Variants in ARHGAP29 observed in about 807,000 individuals in gnomAD.
The protein encoded by ARHGAP29 is rho GTPase-activating protein 29.
ARHGAP29 carries 43 observed loss-of-function variants against 122.6 expected under a neutral mutation model. The ratio of observed to expected loss-of-function variants is 0.35; its 90% CI spans 0.27 to 0.45. The LOEUF (loss-of-function observed/expected upper bound fraction) is 0.45. Among genes scored for constraint, ARHGAP29 ranks in the 20% least tolerant of loss-of-function variants. The pLI, the probability that ARHGAP29 is intolerant of heterozygous loss-of-function variation, is 1.00. For synonymous variants in ARHGAP29, 506 were observed against 497.1 expected (o/e 1.02, Z -0.24); for missense variants, 1,303 against 1,477.2 (o/e 0.88, Z 1.93).
chr1:94,207,175 A>AT (rs1446341360), intron 5 of ARHGAP29, among the ~76,000 whole-genome samples: 12 of 151,684 alleles, frequency 7.9e-5, no homozygotes, highest in African/African-American at 2.9e-4. Flanking sequence ...TTCCTGGCTA[A>AT]TATTTGTATT....
chr1:94,304,936 A>C, the ARHGAP29 span, among the ~76,000 whole-genome samples: 1 of 152,222 alleles, frequency 6.6e-6, no homozygotes, highest in Non-Finnish European at 1.5e-5. Flanking sequence ...CCTGTGTGAG[A>C]GGTAGATGTC....
intron 1 of ARHGAP29, among the ~76,000 whole-genome samples, chr1:94,252,065 A>G (rs934966858): frequency 2.6e-5 from 4 of 152,370 alleles, no homozygotes; most frequent in Admixed American, 6.5e-5. Flanking sequence ...ATATCCAAAC[A>G]TTAGAGTTAT....
chr1:94,176,703 G>A (rs1180425657), intron 22 of ARHGAP29: 1 of 152,082 alleles, frequency 6.6e-6, no homozygotes, highest in Admixed American at 6.6e-5. Context: ...TGCTTCTCGG[G>A]TTCAAGTGAT....
At position 94,256,037 on chromosome 1, in the gene ARHGAP29, T is replaced by C. The variant is rs148401267; in HGVS notation, c.-33+18975A>G. On this transcript the variant is annotated intron_variant and NMD_transcript_variant, in intron 1 of 25. Transcript: ENST00000552844. Reference sequence around the variant, plus strand: ...CAGTCTTCAAAACAAGTCTGTGAAATATGAATTATTGTTATCATCCTTATT... The same window carrying C: ...CAGTCTTCAAAACAAGTCTGTGAAACATGAATTATTGTTATCATCCTTATT... Among the ~76,000 whole-genome samples the C allele has an allele frequency of 1.8e-4, 27 of 152,344 alleles. No homozygotes were observed. The East Asian group carries it at 5.2e-3, about 29-fold the overall frequency.
In ARHGAP29 at chr1:94,184,994, G is replaced by T. The variant is rs374207528; in HGVS notation, c.1987C>A (p.Pro663Thr). 2 of 1,613,046 alleles carry T rather than the reference G, an allele frequency of 1.2e-6. No homozygotes were observed. Among genetic ancestry groups the T allele is most frequent in the African/African-American group, 1.3e-5 (1 of 74,924 alleles). Residue 663 changes from proline (P) to threonine (T), a missense_variant, in exon 18 of 23, where the codon CCA becomes ACA. Around this residue, in one of 3 missense-constraint regions of ARHGAP29, gnomAD observed 91 missense variants for 177.8 expected, o/e 0.51. Coordinates refer to ENST00000260526, the MANE Select transcript of ARHGAP29 (RefSeq NM_004815.4). ...LVIICGHQKLPGKIHLFGAEF... is the reference protein window; with the variant it reads ...LVIICGHQKLTGKIHLFGAEF... ...GCTCCAAATAAGTGTATTTTTCCTGGAAGTTTCTGATGACCACAAATAATG... is the reference window on the plus strand; with the variant it reads ...GCTCCAAATAAGTGTATTTTTCCTGTAAGTTTCTGATGACCACAAATAATG...
intron 1 of ARHGAP29, 138 bp from the exon 2 acceptor site, chr1:94,231,781 T>A (rs1236659536): frequency 4.9e-5 from 31 of 633,928 alleles, no homozygotes; most frequent in Non-Finnish European, 7.4e-5. Flanking sequence ...TTTAAATTTT[T>A]AAAAATCAAA....
At chr1:94,228,322 A>G (rs988997442) in intron 2 of ARHGAP29, among the ~76,000 whole-genome samples, 2 of 151,808 alleles carry the variant, frequency 1.3e-5, no homozygotes, top group African/African-American at 4.8e-5. Context: ...CTTCTTAGGA[A>G]TAAACTGCCA....
intron 1 of ARHGAP29, among the ~76,000 whole-genome samples, chr1:94,266,243 G>C (rs961220942): frequency 6.6e-6 from 1 of 152,166 alleles, no homozygotes; most frequent in Non-Finnish European, 1.5e-5. Context: ...CAAAAGCCAG[G>C]CATTGAATGA....
chr1:94,271,347 G>T (rs1263331716), intron 1 of ARHGAP29, among the ~76,000 whole-genome samples: 2 of 152,188 alleles, frequency 1.3e-5, no homozygotes, highest in Non-Finnish European at 2.9e-5. Context: ...CCTTTGCTTT[G>T]TTCTATTTGT....
chr1:94,215,931 A>G (rs1651933939), intron 3 of ARHGAP29, among the ~76,000 whole-genome samples: 1 of 8,010 alleles, frequency 1.2e-4, no homozygotes, highest in Non-Finnish European at 3.5e-3. Flanking sequence ...TAAAAACGTT[A>G]TTGAAACAAA....
chr1:94,227,577 T>C (rs760891872), intron 2 of ARHGAP29, among the ~76,000 whole-genome samples: 14 of 151,764 alleles, frequency 9.2e-5, no homozygotes, highest in Non-Finnish European at 1.6e-4. Flanking sequence ...AGCAGAACAA[T>C]TAGATATTTT....
At chr1:94,302,161 C>T in the ARHGAP29 span, 1 of 272,222 alleles carries the variant, frequency 3.7e-6, no homozygotes, top group African/African-American at 2.3e-5. Context: ...CATGGTCTAC[C>T]ATGGAATCAC....
intron 12 of ARHGAP29, chr1:94,193,496 G>A (rs187511291): frequency 7.2e-5 from 11 of 151,966 alleles, no homozygotes; most frequent in East Asian, 5.8e-4. Context: ...GTCTAGATAC[G>A]TCTTAAACAG....
At chr1:94,271,082 G>A (rs573214882) in intron 1 of ARHGAP29, among the ~76,000 whole-genome samples, 24 of 152,300 alleles carry the variant, frequency 1.6e-4, no homozygotes, top group African/African-American at 5.1e-4. Flanking sequence ...TGAGGGAGAC[G>A]ATCTGAAACC....
At chr1:94,310,819 G>A in the ARHGAP29 span, among the ~76,000 whole-genome samples, 2 of 152,134 alleles carry the variant, frequency 1.3e-5, no homozygotes, top group Non-Finnish European at 2.9e-5. Flanking sequence ...GCCCAGGCAT[G>A]GGACAGGGCA....
chr1:94,253,424 C>T (rs958761730), intron 1 of ARHGAP29, among the ~76,000 whole-genome samples: 2 of 152,114 alleles, frequency 1.3e-5, no homozygotes, highest in African/African-American at 4.8e-5. Context: ...AAGCACTTGC[C>T]TTGATCATTC....
chr1:94,258,663 G>T (rs1410048741), intron 1 of ARHGAP29, among the ~76,000 whole-genome samples: 2 of 152,220 alleles, frequency 1.3e-5, no homozygotes, highest in East Asian at 3.9e-4. Context: ...TAGGCCAGTT[G>T]TTCAAGGCCT....
intron 1 of ARHGAP29, among the ~76,000 whole-genome samples, chr1:94,260,001 C>G (rs1654497413): frequency 6.6e-6 from 1 of 152,176 alleles, no homozygotes; most frequent in South Asian, 2.1e-4. Flanking sequence ...TACGGAGTTT[C>G]TGTAGAGGAC....
At chr1:94,296,607 G>A in the ARHGAP29 span, among the ~76,000 whole-genome samples, 1 of 152,112 alleles carries the variant, frequency 6.6e-6, no homozygotes, top group East Asian at 1.9e-4. Context: ...TTTCTCTCAA[G>A]TACCTTGCTG....
Sources: gnomAD v4.1 joint callset for allele counts (sites outside exome capture counted in the v4.1 genomes callset) on GRCh38, gnomAD v4.1.1 for gene constraint, gnomAD v4.1.1 regional missense constraint, MANE v1.5 for transcripts, NCBI Gene and HGNC (gene_info 2026-07-23, HGNC 2026-07-21) for gene names.